SOD3: variants seen among roughly 807,000 people sequenced by gnomAD.
The protein encoded by SOD3 is extracellular superoxide dismutase [Cu-Zn].
Under a neutral mutation model 2.6 loss-of-function variants are expected in SOD3, and 3 were observed. That is an observed-to-expected ratio of 1.13 (90% CI 0.52 to 2.93). SOD3 has a LOEUF of 2.93. Among genes scored for constraint, SOD3 ranks in the 30% most tolerant of loss-of-function variants. The pLI is 0.04. For missense variants in SOD3, 379 were observed against 370.4 expected (o/e 1.02, Z -0.19); for synonymous variants, 188 against 177.5 (o/e 1.06, Z -0.47).
chr4:24,799,420 G>C (rs1713762175), intron 1 of SOD3, 86 bp from the exon 2 acceptor site: 5 of 1,478,464 alleles, frequency 3.4e-6, no homozygotes, highest in Non-Finnish European at 3.6e-6. Context: ...TGGGGGGTTG[G>C]TTCTGCGATA....
Position 24,800,350 on chromosome 4 carries a change from G to C in SOD3, c.*106G>C. On this transcript the variant is annotated 3_prime_UTR_variant, in exon 2 of 2. Transcript: ENST00000382120. Reference sequence around the variant, plus strand: ...CCCTCCACTCTGAGGTCTCACCTTCGCCTTTGCTGAAGTCTCCCCGCAGCC... The same window carrying C: ...CCCTCCACTCTGAGGTCTCACCTTCCCCTTTGCTGAAGTCTCCCCGCAGCC... The C allele has an allele frequency of 8.4e-7, 1 of 1,190,040 alleles. No individual in the cohort carries two copies. The highest frequency in any genetic ancestry group is 2.6e-5 in the South Asian group (1 of 38,004). 73.7% of individuals were successfully genotyped at this position (1,190,040 alleles called of 1,614,324 possible).
chr4:24,800,536 T>C lies in SOD3; in HGVS notation c.*292T>C, dbSNP rs1713866134. The C allele has an allele frequency of 3.4e-6, 1 of 297,688 alleles. No homozygotes were observed. Among genetic ancestry groups the C allele is most frequent in the Non-Finnish European group, 6.5e-6 (1 of 152,944 alleles). 18.4% of individuals were successfully genotyped at this position (297,688 alleles called of 1,614,324 possible). Reference sequence around the variant, plus strand: ...CCTCCTAGGCTCCCTGAGGTACCTTTCCACCCAGACCCTCCTTCCCCACCC... The same window carrying C: ...CCTCCTAGGCTCCCTGAGGTACCTTCCCACCCAGACCCTCCTTCCCCACCC... On this transcript the variant is annotated 3_prime_UTR_variant, in exon 2 of 2. Coordinates refer to ENST00000382120, the MANE Select transcript of SOD3 (RefSeq NM_003102.4).
chr4:24,800,223 G>A lies in SOD3; in HGVS notation c.702G>A (p.Glu234=). The A allele has an allele frequency of 7.0e-7, 1 of 1,429,798 alleles. No homozygotes were observed. The highest frequency in any genetic ancestry group is 1.5e-5 in the South Asian group (1 of 67,492). The allele number at this position is 1,429,798 out of a possible 1,614,324, so 88.6% of individuals were successfully genotyped here. Residue 234 remains glutamate, a synonymous_variant, in exon 2 of 2, where the codon GAG becomes GAA. Transcript: ENST00000382120. ...CAGAGCGCAAGAAGCGGCGGCGCGA[G>A]AGCGAGTGCAAGGCCGCCTGAGCGC... is the stretch of plus-strand genomic sequence containing the variant. ...EHSERKKRRR[E]SECKAA
intron 1 of SOD3, among the ~76,000 whole-genome samples, chr4:24,797,347 G>C (rs541053354): frequency 6.6e-6 from 1 of 152,200 alleles, no homozygotes; most frequent in Admixed American, 6.5e-5. Flanking sequence ...CACCTTGGGC[G>C]GGACACACGC....
Position 24,800,115 on chromosome 4 carries a change from C to A in SOD3, c.594C>A (p.Asn198Lys). 7.3e-7 allele frequency: 1 copy of A among 1,379,222 alleles called. No individual in the cohort carries two copies. Among genetic ancestry groups the A allele is most frequent in the East Asian group, 3.1e-5 (1 of 32,578 alleles). The allele number at this position is 1,379,222 out of a possible 1,614,324, so 85.4% of individuals were successfully genotyped here. A position where few individuals can be genotyped will look rare whatever the true frequency, so the allele number is the denominator to read the frequency against. Residue 198 changes from asparagine to lysine, a missense_variant, in exon 2 of 2, where the codon AAC (asparagine) becomes AAA (lysine). Transcript: ENST00000382120. ...GRGGNQASVE[N>K]GNAGRRLACC... ...GCGGCAACCAGGCCAGCGTGGAGAA[C>A]GGGAACGCGGGCCGGCGGCTGGCCT...
In SOD3 at chr4:24,799,906, G is replaced by C. The variant is rs758936468; in HGVS notation, c.385G>C (p.Gly129Arg). Reference protein sequence around the residue: ...GDLSQGCESTGPHYNPLAVPH... With the variant: ...GDLSQGCESTRPHYNPLAVPH... Reference sequence around the variant, plus strand: ...CCTGAGCCAGGGCTGCGAGTCCACCGGGCCCCACTACAACCCGCTGGCCGT... The same window carrying C: ...CCTGAGCCAGGGCTGCGAGTCCACCCGGCCCCACTACAACCCGCTGGCCGT... The change falls in exon 2 of 2, where the codon GGG (glycine) becomes CGG (arginine). Residue 129 changes from glycine (G) to arginine (R), a missense_variant. Transcript: ENST00000382120. 1.9e-6 allele frequency: 3 copies of C among 1,600,670 alleles called. No individual in the cohort carries two copies. The highest frequency in any genetic ancestry group is 1.7e-6 in the Non-Finnish European group (2 of 1,178,818).
Position 24,799,726 on chromosome 4 carries a change from G to C in SOD3, c.205G>C (p.Ala69Pro). Residue 69 changes from alanine to proline, a missense_variant, in exon 2 of 2, where the codon GCC (alanine) becomes CCC (proline). Transcript: ENST00000382120. ...CGCCGCCTGCCAGGTGCAGCCGTCG[G>C]CCACGCTGGACGCCGCGCAGCCCCG... ...LHAACQVQPSATLDAAQPRVT... is the reference protein window; with the variant it reads ...LHAACQVQPSPTLDAAQPRVT... 2 of 1,565,654 alleles carry C rather than the reference G, an allele frequency of 1.3e-6. No individual in the cohort carries two copies. Among genetic ancestry groups the C allele is most frequent in the Admixed American group, 1.9e-5 (1 of 53,812 alleles).
intron 1 of SOD3, among the ~76,000 whole-genome samples, chr4:24,798,614 C>T (rs773769074): frequency 2.0e-5 from 3 of 152,180 alleles, no homozygotes; most frequent in Non-Finnish European, 4.4e-5. Context: ...CAAAGTCCAA[C>T]CCATATCCTT....
rs1034513108 is a variant in SOD3, at chr4:24,795,659, C to T, written c.-17+8C>T. On this transcript the variant is annotated splice_region_variant and intron_variant, in intron 1 of 1. Transcript: ENST00000382120. ...CTTGGAGGAGCTGGAAAGGTGGGTG[C>T]TAAGTTGAGGTTCATTTTGTTCTTC... is the stretch of plus-strand genomic sequence containing the variant. The T allele has an allele frequency of 6.6e-6, 1 of 152,306 alleles. No individual in the cohort carries two copies. The highest frequency in any genetic ancestry group is 2.4e-5 in the African/African-American group (1 of 41,434). 9.4% of individuals were successfully genotyped at this position (152,306 alleles called of 1,614,324 possible).
intron 1 of SOD3, among the ~76,000 whole-genome samples, chr4:24,796,436 T>C (rs1458284413): frequency 1.9e-4 from 1 of 5,368 alleles, no homozygotes. Context: ...CCTTCTTCTC[T>C]TTTTTTTTTT....
In SOD3 at chr4:24,799,890, G is replaced by A. The variant is rs765347787; in HGVS notation, c.369G>A (p.Gln123=). 1.9e-6 allele frequency: 3 copies of A among 1,601,960 alleles called. No homozygotes were observed. The East Asian group carries it at 6.7e-5, about 36-fold the overall frequency. ...IHVHQFGDLS[Q]GCESTGPHYN... Reference sequence around the variant, plus strand: ...TGCACCAGTTCGGGGACCTGAGCCAGGGCTGCGAGTCCACCGGGCCCCACT... The same window carrying A: ...TGCACCAGTTCGGGGACCTGAGCCAAGGCTGCGAGTCCACCGGGCCCCACT... The change falls in exon 2 of 2, where the codon CAG becomes CAA. Residue 123 remains glutamine, a synonymous_variant. Coordinates refer to ENST00000382120, the MANE Select transcript of SOD3 (RefSeq NM_003102.4).
chr4:24,797,188 C>T (rs1424527015), intron 1 of SOD3, among the ~76,000 whole-genome samples: 1 of 152,160 alleles, frequency 6.6e-6, no homozygotes, highest in East Asian at 1.9e-4. Flanking sequence ...TCTCTGATAG[C>T]TAAGAGCTGC....
intron 1 of SOD3, among the ~76,000 whole-genome samples, chr4:24,798,968 G>A (rs1352431293): frequency 6.6e-6 from 1 of 152,182 alleles, no homozygotes; most frequent in Non-Finnish European, 1.5e-5. Flanking sequence ...CAGGTGCTGG[G>A]GATACCGATG....
chr4:24,795,944 T>C lies in SOD3; in HGVS notation c.-17+293T>C, dbSNP rs115172936. On this transcript the variant is annotated intron_variant, in intron 1 of 1. Transcript: ENST00000382120. ...TGACGAGAAAGGGGGCCTTTCTAGATGTTGCATGGCTTTGGTGTCGGGAGC... is the reference window on the plus strand; with the variant it reads ...TGACGAGAAAGGGGGCCTTTCTAGACGTTGCATGGCTTTGGTGTCGGGAGC... 6.8e-4 allele frequency among the ~76,000 whole-genome samples: 103 copies of C among 152,204 alleles called. 1 individual carries two copies. The highest frequency in any genetic ancestry group is 2.4e-3 in the African/African-American group (101 of 41,532).
rs962509082 is a variant in SOD3, at chr4:24,799,452, G to A, written c.-16-54G>A. On this transcript the variant is annotated intron_variant, in intron 1 of 1. Coordinates refer to ENST00000382120, the MANE Select transcript of SOD3 (RefSeq NM_003102.4). ...GATAATGGGGTCCCTGAGATTCTAT[G>A]TTTCACGTGACTAAGCCTCACTCTG... 13 of 1,563,862 alleles carry A rather than the reference G, an allele frequency of 8.3e-6. No homozygotes were observed. In the African/African-American group the frequency reaches 1.8e-4, roughly 21 times the overall value.
intron 1 of SOD3, among the ~76,000 whole-genome samples, chr4:24,796,465 A>T (rs1713665699): frequency 2.0e-5 from 1 of 50,344 alleles, no homozygotes; most frequent in African/African-American, 6.8e-5. Flanking sequence ...TTTTTTTGAG[A>T]CATGGTCTCA....
Position 24,800,249 on chromosome 4 carries a change from G to C in SOD3, c.*5G>C, listed in dbSNP as rs1713809323. The C allele has an allele frequency of 4.3e-6, 6 of 1,387,186 alleles. No homozygotes were observed. The highest frequency in any genetic ancestry group is 1.5e-5 in the African/African-American group (1 of 65,312). 85.9% of individuals were successfully genotyped at this position (1,387,186 alleles called of 1,614,324 possible). On this transcript the variant is annotated 3_prime_UTR_variant, in exon 2 of 2. Coordinates refer to ENST00000382120, the MANE Select transcript of SOD3 (RefSeq NM_003102.4). Reference sequence around the variant, plus strand: ...AGCGAGTGCAAGGCCGCCTGAGCGCGGCCCCCACCCGGCGGCGGCCAGGGA... The same window carrying C: ...AGCGAGTGCAAGGCCGCCTGAGCGCCGCCCCCACCCGGCGGCGGCCAGGGA...
chr4:24,798,109 C>T (rs1435648320), intron 1 of SOD3, among the ~76,000 whole-genome samples: 4 of 151,906 alleles, frequency 2.6e-5, no homozygotes, highest in African/African-American at 9.7e-5. Context: ...TCCTTTCTTT[C>T]TCACAGAATC....
Position 24,800,319 on chromosome 4 carries a change from C to A in SOD3, c.*75C>A. 7.7e-7 allele frequency: 1 copy of A among 1,304,574 alleles called. No homozygotes were observed. The highest frequency in any genetic ancestry group is 9.9e-7 in the Non-Finnish European group (1 of 1,015,114). The allele number at this position is 1,304,574 out of a possible 1,614,324, so 80.8% of individuals were successfully genotyped here. A position where few individuals can be genotyped will look rare whatever the true frequency, so the allele number is the denominator to read the frequency against. On this transcript the variant is annotated 3_prime_UTR_variant, in exon 2 of 2. Coordinates refer to ENST00000382120, the MANE Select transcript of SOD3 (RefSeq NM_003102.4). ...CCTTTGAGCTTCTCCTCTGCTCCAA[C>A]AGACACCCTCCACTCTGAGGTCTCA...
Sources: allele counts gnomAD v4.1 joint callset (sites outside exome capture counted in the v4.1 genomes callset), GRCh38; gene constraint gnomAD v4.1.1; transcripts MANE v1.5; gene names NCBI Gene and HGNC (gene_info 2026-07-23, HGNC 2026-07-21).